UBE2G1: variants seen among roughly 807,000 people sequenced by gnomAD.
UBE2G1 encodes the protein ubiquitin conjugating enzyme E2 G1.
UBE2G1 carries 5 observed loss-of-function variants against 22.7 expected under a neutral mutation model. The ratio of observed to expected loss-of-function variants is 0.22; its 90% confidence interval spans 0.12 to 0.46. The LOEUF (loss-of-function observed/expected upper bound fraction) is 0.46, where lower values mean the gene tolerates loss of function less well. Ranked by LOEUF, UBE2G1 falls within the 20% of genes least tolerant of loss-of-function variation. The pLI is 0.99. For synonymous variants in UBE2G1, 74 were observed against 67.5 expected (o/e 1.10, Z -0.47); for missense variants, 88 against 203.9 (o/e 0.43, Z 3.46).
At chr17:4,309,116 C>T (rs1241268834) in intron 1 of UBE2G1, among the ~76,000 whole-genome samples, 1 of 152,000 alleles carries the variant, frequency 6.6e-6, no homozygotes, top group Non-Finnish European at 1.5e-5. Flanking sequence ...AAAAATTGGC[C>T]GGGCATGGAG....
intron 3 of UBE2G1, among the ~76,000 whole-genome samples, chr17:4,293,792 C>T (rs942107366): frequency 6.6e-6 from 1 of 152,180 alleles, no homozygotes; most frequent in African/African-American, 2.4e-5. Flanking sequence ...ACTCTTACTT[C>T]TCCTTTACCA....
chr17:4,295,066 C>G (rs1403598478), intron 3 of UBE2G1, among the ~76,000 whole-genome samples: 1 of 151,836 alleles, frequency 6.6e-6, no homozygotes, highest in Non-Finnish European at 1.5e-5. Flanking sequence ...TAGAGTTACA[C>G]AGCTAGTCTG....
intron 1 of UBE2G1, among the ~76,000 whole-genome samples, chr17:4,316,463 A>G (rs895342251): frequency 6.6e-6 from 1 of 152,166 alleles, no homozygotes; most frequent in Admixed American, 6.5e-5. Flanking sequence ...GCCACAAACC[A>G]AGTCACCAAA....
chr17:4,318,145 T>C (rs986347382), intron 1 of UBE2G1, among the ~76,000 whole-genome samples: 3 of 152,176 alleles, frequency 2.0e-5, no homozygotes, highest in Non-Finnish European at 2.9e-5. Context: ...GAGAAGATAT[T>C]GTATATGCGA....
In UBE2G1 at chr17:4,366,370, G is replaced by C; in HGVS notation, c.-54C>G. 1 of 1,439,174 alleles carries C rather than the reference G, an allele frequency of 6.9e-7. No homozygotes were observed. 89.2% of individuals were successfully genotyped at this position (1,439,174 alleles called of 1,614,324 possible). ...CGGGGCTTCCGAAGGGCTGGGGACA[G>C]GCTCTGGGGGCGGCTGGAGCGGGGT... On this transcript the variant is annotated 5_prime_UTR_variant, in exon 1 of 6. Transcript: ENST00000396981.
chr17:4,320,433 T>TG (rs1969424347), intron 1 of UBE2G1, among the ~76,000 whole-genome samples: 1 of 152,238 alleles, frequency 6.6e-6, no homozygotes, highest in Admixed American at 6.5e-5. Context: ...TTACCTTAGC[T>TG]GGGTTGTCAT....
At chr17:4,328,386 T>C (rs1233415891) in intron 1 of UBE2G1, among the ~76,000 whole-genome samples, 10 of 152,230 alleles carry the variant, frequency 6.6e-5, no homozygotes, top group African/African-American at 2.2e-4. Context: ...TACTACCGTA[T>C]GCATACAAAA....
chr17:4,299,113 CAG>C (rs983480660), intron 2 of UBE2G1, among the ~76,000 whole-genome samples: 116 of 152,218 alleles, frequency 7.6e-4, no homozygotes, highest in African/African-American at 2.6e-3. Context: ...AAATAGAAAA[CAG>C]AGTTTATCAC....
At chr17:4,336,891 A>C (rs988447911) in intron 1 of UBE2G1, among the ~76,000 whole-genome samples, 3 of 152,214 alleles carry the variant, frequency 2.0e-5, no homozygotes, top group Non-Finnish European at 4.4e-5. Flanking sequence ...TGAAAGAATG[A>C]GATCAAGTCT....
intron 2 of UBE2G1, chr17:4,302,845 G>C (rs370887076): frequency 2.9e-5 from 5 of 169,608 alleles, no homozygotes; most frequent in East Asian, 3.5e-4. Flanking sequence ...CTATTTCAAA[G>C]TGTATTTGTG....
chr17:4,338,341 C>T (rs2143791262), intron 1 of UBE2G1, among the ~76,000 whole-genome samples: 1 of 152,118 alleles, frequency 6.6e-6, no homozygotes, highest in Non-Finnish European at 1.5e-5. Context: ...TCCAGTAAAT[C>T]CTAAGCTGCT....
intron 1 of UBE2G1, among the ~76,000 whole-genome samples, chr17:4,317,457 T>G (rs192793358): frequency 2.0e-5 from 3 of 152,244 alleles, no homozygotes; most frequent in Non-Finnish European, 1.5e-5. Flanking sequence ...AAGTAGAAAG[T>G]GCAGTGAGCC....
chr17:4,315,298 T>G (rs989671066), intron 1 of UBE2G1, among the ~76,000 whole-genome samples: 5 of 152,182 alleles, frequency 3.3e-5, no homozygotes, highest in Non-Finnish European at 5.9e-5. Flanking sequence ...AATCTAAAAA[T>G]AAGTTTAATA....
chr17:4,328,536 G>A (rs1969527575), intron 1 of UBE2G1, among the ~76,000 whole-genome samples: 1 of 152,170 alleles, frequency 6.6e-6, no homozygotes, highest in African/African-American at 2.4e-5. Flanking sequence ...AGAGGAGAAG[G>A]CGATAAAATA....
At chr17:4,366,007 G>A (rs1970029940) in intron 1 of UBE2G1, among the ~76,000 whole-genome samples, 1 of 152,006 alleles carries the variant, frequency 6.6e-6, no homozygotes, top group Non-Finnish European at 1.5e-5. Flanking sequence ...AGAACGGTGG[G>A]GGAGGGGACC....
chr17:4,320,324 G>T (rs1482653633), intron 1 of UBE2G1, among the ~76,000 whole-genome samples: 1 of 152,142 alleles, frequency 6.6e-6, no homozygotes, highest in African/African-American at 2.4e-5. Context: ...ACTATTTAGA[G>T]GTTTTTATAG....
At chr17:4,313,744 T>C (rs989115485) in intron 1 of UBE2G1, among the ~76,000 whole-genome samples, 66 of 152,176 alleles carry the variant, frequency 4.3e-4, no homozygotes, top group African/African-American at 1.6e-3. Context: ...TGTGCGTACT[T>C]TCCTGTCAAT....
intron 1 of UBE2G1, among the ~76,000 whole-genome samples, chr17:4,310,105 A>G (rs750858481): frequency 6.6e-6 from 1 of 152,222 alleles, no homozygotes; most frequent in Non-Finnish European, 1.5e-5. Flanking sequence ...AACAGGCTTA[A>G]TCCATTTAAA....
intron 1 of UBE2G1, among the ~76,000 whole-genome samples, chr17:4,336,924 GATC>G (rs1427251472): frequency 6.6e-6 from 1 of 152,100 alleles, no homozygotes; most frequent in East Asian, 1.9e-4. Flanking sequence ...TATAAAAACT[GATC>G]ATCAATTTAG....
Sources: allele counts gnomAD v4.1 joint callset (sites outside exome capture counted in the v4.1 genomes callset), GRCh38; gene constraint gnomAD v4.1.1; transcripts MANE v1.5; gene names NCBI Gene and HGNC (gene_info 2026-07-23, HGNC 2026-07-21).